Variants in CACNA1C observed in about 807,000 individuals in gnomAD.
CACNA1C encodes the protein calcium voltage-gated channel subunit alpha1 C.
A neutral mutation model predicts 229.0 loss-of-function variants in CACNA1C; 30 were observed. The ratio of observed to expected loss-of-function variants is 0.13; its 90% CI spans 0.10 to 0.18. CACNA1C has a LOEUF of 0.18. CACNA1C is among the 10% of genes least tolerant of loss of function. CACNA1C has a pLI of 1.00. For missense variants in CACNA1C, 1,658 were observed against 2,845.0 expected (o/e 0.58, Z 9.49); for synonymous variants, 1,114 against 1,132.5 (o/e 0.98, Z 0.33).
intron 3 of CACNA1C, among the ~76,000 whole-genome samples, chr12:2,378,702 C>T (rs1594682627): frequency 1.3e-5 from 2 of 152,180 alleles, no homozygotes; most frequent in South Asian, 4.2e-4. Flanking sequence ...GTTCCCTCAC[C>T]ACTTCACAGG....
chr12:2,155,080 AC>A (rs1349679373), intron 3 of CACNA1C, among the ~76,000 whole-genome samples: 2 of 152,174 alleles, frequency 1.3e-5, no homozygotes, highest in Non-Finnish European at 2.9e-5. Context: ...CTCTCCTAAC[AC>A]AGACATAATT....
chr12:2,480,640 A>G (rs1357192376), intron 5 of CACNA1C, among the ~76,000 whole-genome samples: 1 of 152,162 alleles, frequency 6.6e-6, no homozygotes, highest in African/African-American at 2.4e-5. Context: ...TCTTCCTGTC[A>G]TGGCAAACTC....
intron 1 of CACNA1C, among the ~76,000 whole-genome samples, chr12:2,055,280 G>C (rs1359388166): frequency 6.6e-6 from 1 of 152,192 alleles, no homozygotes; most frequent in Admixed American, 6.5e-5. Context: ...TGTGAAGAGT[G>C]GGGATGCAAG....
chr12:2,072,129 G>C (rs2154524558), intron 1 of CACNA1C, among the ~76,000 whole-genome samples: 1 of 151,836 alleles, frequency 6.6e-6, no homozygotes, highest in African/African-American at 2.4e-5. Context: ...TAATAAAACT[G>C]TATTTGTAAG....
At chr12:2,667,533 A>G (rs1474921491) in intron 37 of CACNA1C, among the ~76,000 whole-genome samples, 1 of 152,166 alleles carries the variant, frequency 6.6e-6, no homozygotes, top group Non-Finnish European at 1.5e-5. Flanking sequence ...CTCCAAAAAC[A>G]AACAAACAAC....
chr12:2,182,113 T>G, intron 3 of CACNA1C, among the ~76,000 whole-genome samples: 1 of 135,434 alleles, frequency 7.4e-6, no homozygotes, highest in Admixed American at 7.7e-5. Flanking sequence ...GGGGAGATTG[T>G]GTGTGAGTTT....
At chr12:2,274,627 G>A (rs1265357236) in intron 3 of CACNA1C, among the ~76,000 whole-genome samples, 2 of 152,220 alleles carry the variant, frequency 1.3e-5, no homozygotes, top group African/African-American at 4.8e-5. Flanking sequence ...AGGCATTCCT[G>A]TATCCTGTTT....
rs2091693669 is a variant in CACNA1C at position 2,633,893 on chromosome 12, T to A, written c.3829-404T>A. On this transcript the variant is annotated intron_variant, in intron 29 of 46. Transcript: ENST00000399655. The surrounding 1 kb of genome is among the most constrained non-coding windows in gnomAD (Gnocchi z 5.8). ...CCGTCGTCCTGTGGGGGAAAAAAAG[T>A]GGGAGCTTCTCCTCCTTTTTTTCCA... Among the ~76,000 whole-genome samples the A allele has an allele frequency of 6.6e-6, 1 of 152,180 alleles. No homozygotes were observed. Among genetic ancestry groups the A allele is most frequent in the Non-Finnish European group, 1.5e-5 (1 of 68,026 alleles).
At position 2,119,807 on chromosome 12, in the gene CACNA1C, A is replaced by T. The variant is rs564229247; in HGVS notation, c.372-518A>T. On this transcript the variant is annotated intron_variant, in intron 2 of 46. Transcript: ENST00000399655. ...CCTGCCAGAGAATGAGAGAGAAGAA[A>T]TGGAAACCACTCTTAACCTTAGTTT... is the stretch of plus-strand genomic sequence containing the variant. 7.9e-5 allele frequency among the ~76,000 whole-genome samples: 12 copies of T among 152,320 alleles called. No individual in the cohort carries two copies. The South Asian group carries it at 2.5e-3, about 32-fold the overall frequency.
At chr12:2,328,163 T>A (rs2096404791) in intron 3 of CACNA1C, among the ~76,000 whole-genome samples, 1 of 152,214 alleles carries the variant, frequency 6.6e-6, no homozygotes, top group South Asian at 2.1e-4. Context: ...GGGTGCTGGC[T>A]GTAATATCTC....
Position 2,190,761 on chromosome 12 carries a change from GTTTC to G in CACNA1C, c.477+70334_477+70337del, listed in dbSNP as rs532263510. Among the ~76,000 whole-genome samples the G allele has an allele frequency of 2.2e-3, 340 of 152,314 alleles. 3 individuals are homozygous for G. The highest frequency in any genetic ancestry group is 7.9e-3 in the African/African-American group (328 of 41,572). ...TGGTGGCTTCACAGAGTAAAGGTTA[GTTTC>G]TTGTTCACATCACAGCCCAGCTTGG... On this transcript the variant is annotated intron_variant, in intron 3 of 46. Coordinates refer to ENST00000399655, the MANE Select transcript of CACNA1C (RefSeq NM_000719.7).
chr12:2,558,114 A>G, intron 11 of CACNA1C, among the ~76,000 whole-genome samples: 1 of 152,218 alleles, frequency 6.6e-6, no homozygotes, highest in Non-Finnish European at 1.5e-5. Flanking sequence ...CCCTTAAGGT[A>G]AAGTGATTTG....
At chr12:2,449,870 G>A (rs1188326691) in intron 4 of CACNA1C, among the ~76,000 whole-genome samples, 1 of 152,196 alleles carries the variant, frequency 6.6e-6, no homozygotes, top group Non-Finnish European at 1.5e-5. Flanking sequence ...CAGGTGTGGG[G>A]TGAGGGTGGG....
At chr12:2,289,393 G>C (rs918793364) in intron 3 of CACNA1C, among the ~76,000 whole-genome samples, 5 of 152,172 alleles carry the variant, frequency 3.3e-5, no homozygotes, top group African/African-American at 1.2e-4. Flanking sequence ...AGGCAACCCT[G>C]CTGGACAAAA....
chr12:2,188,812 G>A (rs1201230747), intron 3 of CACNA1C, among the ~76,000 whole-genome samples: 1 of 152,104 alleles, frequency 6.6e-6, no homozygotes, highest in Non-Finnish European at 1.5e-5. Context: ...GAAGAATAAG[G>A]CCAGGCACGG....
intron 3 of CACNA1C, among the ~76,000 whole-genome samples, chr12:2,230,474 T>C (rs1308065701): frequency 2.6e-5 from 4 of 152,154 alleles, no homozygotes; most frequent in African/African-American, 9.7e-5. Context: ...GACTGAGAAC[T>C]TAAAAGCTGA....
chr12:2,558,090 G>A (rs570513456), intron 11 of CACNA1C, among the ~76,000 whole-genome samples: 2 of 152,338 alleles, frequency 1.3e-5, no homozygotes, highest in South Asian at 4.1e-4. Flanking sequence ...GCCCAGTGCT[G>A]TATTTTAAAC....
intron 29 of CACNA1C, among the ~76,000 whole-genome samples, chr12:2,616,077 G>A (rs2080395414): frequency 6.6e-6 from 1 of 152,172 alleles, no homozygotes; most frequent in Non-Finnish European, 1.5e-5. Context: ...GAAGGGCCTT[G>A]ACCCTGGCAG....
intron 11 of CACNA1C, among the ~76,000 whole-genome samples, chr12:2,560,583 A>G (rs1257255405): frequency 3.9e-5 from 6 of 152,194 alleles, no homozygotes; most frequent in Non-Finnish European, 8.8e-5. Context: ...TGTAACCTGA[A>G]GGGATTGATT....
Sources: allele counts gnomAD v4.1 joint callset (sites outside exome capture counted in the v4.1 genomes callset), GRCh38; gene constraint gnomAD v4.1.1; non-coding constraint Gnocchi (gnomAD v3.1); transcripts MANE v1.5; gene names NCBI Gene and HGNC (gene_info 2026-07-23, HGNC 2026-07-21).